ZFAT: variants seen among roughly 807,000 people sequenced by gnomAD.
ZFAT encodes the protein zinc finger and AT-hook domain containing.
A neutral mutation model predicts 117.7 loss-of-function variants in ZFAT; 64 were observed. The observed-to-expected ratio is 0.54, with a 90% CI of 0.44 to 0.67. The LOEUF is 0.67. ZFAT is among the 30% of genes least tolerant of loss of function. The pLI is 0.00. For missense variants in ZFAT, 1,433 were observed against 1,584.5 expected, an observed-to-expected ratio of 0.90 and a Z score of 1.62; for synonymous variants, 679 against 615.0, an observed-to-expected ratio of 1.10 and a Z score of -1.54.
At chr8:134,545,144 C>T (rs548549744) in intron 11 of ZFAT, among the ~76,000 whole-genome samples, 110 of 152,286 alleles carry the variant, frequency 7.2e-4, no homozygotes, top group African/African-American at 2.2e-3. Context: ...TGCAAAGAAA[C>T]GGGTGAACTA....
the ZFAT span, among the ~76,000 whole-genome samples, chr8:134,754,949 A>C: frequency 6.6e-6 from 1 of 152,342 alleles, no homozygotes; most frequent in East Asian, 1.9e-4. Flanking sequence ...TGGGAGATGG[A>C]GAAAGCGGGT....
chr8:134,810,004 T>A, the ZFAT span, among the ~76,000 whole-genome samples: 2 of 152,162 alleles, frequency 1.3e-5, no homozygotes, highest in Non-Finnish European at 2.9e-5. Flanking sequence ...TGAGTGGGTA[T>A]GTAGCCCCAC....
chr8:134,612,005 G>A (rs1283550558), intron 3 of ZFAT, among the ~76,000 whole-genome samples: 1 of 152,220 alleles, frequency 6.6e-6, no homozygotes. Context: ...GCCACCTCTT[G>A]AATGCACACT....
At chr8:134,648,754 A>T (rs985910618) in intron 2 of ZFAT, among the ~76,000 whole-genome samples, 2 of 152,158 alleles carry the variant, frequency 1.3e-5, no homozygotes, top group African/African-American at 4.8e-5. Context: ...TCCAAAAAAT[A>T]GAAGAGGAGG....
the ZFAT span, among the ~76,000 whole-genome samples, chr8:134,812,971 G>A: frequency 6.6e-6 from 1 of 152,176 alleles, no homozygotes; most frequent in East Asian, 1.9e-4. Context: ...TGGCTTCAGA[G>A]CCTACTCTCT....
At chr8:134,575,667 A>C (rs939242584) in intron 10 of ZFAT, among the ~76,000 whole-genome samples, 1 of 152,164 alleles carries the variant, frequency 6.6e-6, no homozygotes. Context: ...TCAGGCAAGA[A>C]GTGATTCCAG....
chr8:134,585,626 C>A (rs1826015774), intron 9 of ZFAT, among the ~76,000 whole-genome samples: 1 of 152,158 alleles, frequency 6.6e-6, no homozygotes, highest in Admixed American at 6.5e-5. Flanking sequence ...GCTGTGGAAC[C>A]CTGGGGAGTC....
chr8:134,739,767 G>C, the ZFAT span, among the ~76,000 whole-genome samples: 1 of 152,264 alleles, frequency 6.6e-6, no homozygotes, highest in Non-Finnish European at 1.5e-5. Context: ...TGGGACTACA[G>C]ATGGAGGCAG....
the ZFAT span, among the ~76,000 whole-genome samples, chr8:134,799,182 T>G: frequency 2.6e-5 from 4 of 152,170 alleles, no homozygotes; most frequent in African/African-American, 9.6e-5. Context: ...CAAGTCTCCA[T>G]GCTTTCATTT....
At chr8:134,822,427 A>G in the ZFAT span, among the ~76,000 whole-genome samples, 4 of 152,158 alleles carry the variant, frequency 2.6e-5, no homozygotes, top group African/African-American at 9.7e-5. Flanking sequence ...AGTAATAAAG[A>G]TAAGTACCCG....
the ZFAT span, chr8:134,804,754 T>A: frequency 2.3e-6 from 1 of 443,696 alleles, no homozygotes; most frequent in Admixed American, 2.4e-5. Flanking sequence ...TCATAATACG[T>A]GCACTGTCAG....
At chr8:134,480,040 C>A (rs1167660376) in intron 15 of ZFAT, among the ~76,000 whole-genome samples, 1 of 150,820 alleles carries the variant, frequency 6.6e-6, no homozygotes, top group Admixed American at 6.6e-5. Flanking sequence ...TGCAACCCTG[C>A]AACCTCTGAC....
At chr8:134,703,184 T>C (rs556045419) in intron 1 of ZFAT, among the ~76,000 whole-genome samples, 218 of 152,382 alleles carry the variant, frequency 1.4e-3, no homozygotes, top group South Asian at 0.011. Flanking sequence ...TTTTTAATTT[T>C]TACCATTCTA....
At chr8:134,712,700 C>T in intron 1 of ZFAT, 145 bp downstream of exon 1, 1 of 662,574 alleles carries the variant, frequency 1.5e-6, no homozygotes, top group Non-Finnish European at 2.3e-6. Flanking sequence ...CGCTCTCCTC[C>T]CCAGACCCGG....
At chr8:134,789,937 C>T in the ZFAT span, among the ~76,000 whole-genome samples, 7 of 152,256 alleles carry the variant, frequency 4.6e-5, no homozygotes, top group East Asian at 1.4e-3. Context: ...AGTCTTGCTA[C>T]CATCCTGATA....
At chr8:134,649,203 C>CACACACACACACACACACACA in intron 2 of ZFAT, among the ~76,000 whole-genome samples, 1 of 143,882 alleles carries the variant, frequency 7.0e-6, no homozygotes, top group East Asian at 2.1e-4. Flanking sequence ...ACACACACAC[C>CACACACACACACACACACACA]CCATCATACT....
chr8:134,718,966 T>C, the ZFAT span, among the ~76,000 whole-genome samples: 1 of 152,216 alleles, frequency 6.6e-6, no homozygotes, highest in African/African-American at 2.4e-5. Flanking sequence ...GGGTGTGCTC[T>C]GCAGTGCATC....
intron 2 of ZFAT, among the ~76,000 whole-genome samples, chr8:134,645,510 T>C (rs17699546): frequency 0.069 from 10,533 of 152,084 alleles, 535 homozygotes; most frequent in Non-Finnish European, 0.1. Context: ...AAAGAAAACA[T>C]ACGGAAGAAG....
chr8:134,612,536 C>A (rs539771232), intron 3 of ZFAT, among the ~76,000 whole-genome samples: 1 of 152,340 alleles, frequency 6.6e-6, no homozygotes, highest in East Asian at 1.9e-4. Flanking sequence ...CGGCTAATGG[C>A]AGATTGATCA....
Sources: gnomAD v4.1 joint callset for allele counts (sites outside exome capture counted in the v4.1 genomes callset) on GRCh38, gnomAD v4.1.1 for gene constraint, MANE v1.5 for transcripts, NCBI Gene and HGNC (gene_info 2026-07-23, HGNC 2026-07-21) for gene names.